GLIS2: variants seen among roughly 807,000 people sequenced by gnomAD.
GLIS2 encodes zinc finger protein GLIS2.
A neutral mutation model predicts 35.6 loss-of-function variants in GLIS2; 14 were observed. The ratio of observed to expected loss-of-function variants is 0.39; its 90% CI spans 0.26 to 0.61. The LOEUF (loss-of-function observed/expected upper bound fraction) is 0.61, where lower values mean the gene tolerates loss of function less well. Among genes scored for constraint, GLIS2 ranks in the 20% least tolerant of loss-of-function variants. The pLI, the probability that GLIS2 is intolerant of heterozygous loss-of-function variation, is 0.48. For missense variants in GLIS2, 675 were observed against 713.4 expected (o/e 0.95, Z 0.61); for synonymous variants, 368 against 325.1 (o/e 1.13, Z -1.42).
rs1432020147 is a variant in GLIS2, at chr16:4,336,707, C to T, written c.776-18C>T. 1 of 1,581,546 alleles carries T rather than the reference C, an allele frequency of 6.3e-7. No individual in the cohort carries two copies. Among genetic ancestry groups the T allele is most frequent in the Non-Finnish European group, 8.6e-7 (1 of 1,164,332 alleles). On this transcript the variant is annotated intron_variant, in intron 6 of 6. Transcript: ENST00000433375. ...GGAGAGACCCCTCATGGCGGCACTG[C>T]ACTGCACCACCCTGCAGGTGAGAAG...
chr16:4,333,274 G>A (rs1197593861), intron 2 of GLIS2, 73 bp from the exon 3 acceptor site: 1 of 1,557,394 alleles, frequency 6.4e-7, no homozygotes, highest in Non-Finnish European at 8.8e-7. Flanking sequence ...CACAGTGGGG[G>A]TTCGGAGGCA....
intron 6 of GLIS2, 24 bp from the exon 7 acceptor site, chr16:4,336,701 G>A (rs1469409921): frequency 5.7e-6 from 9 of 1,573,898 alleles, no homozygotes; most frequent in East Asian, 2.4e-5. Context: ...CCTCATGGCG[G>A]CACTGCACTG....
intron 1 of GLIS2, among the ~76,000 whole-genome samples, chr16:4,321,301 G>A (rs899427147): frequency 1.3e-5 from 2 of 152,196 alleles, no homozygotes; most frequent in African/African-American, 2.4e-5. Context: ...CAGGGAGAAA[G>A]AGGCATCTAT....
In GLIS2 at chr16:4,335,629, C is replaced by T. The variant is rs369413707; in HGVS notation, c.775+236C>T. ...AGCACCAATGCCATTTCCTGGTTCCCGTGGGTATCTTCTGACTAATGCCAC... is the reference window on the plus strand; with the variant it reads ...AGCACCAATGCCATTTCCTGGTTCCTGTGGGTATCTTCTGACTAATGCCAC... On this transcript the variant is annotated intron_variant, in intron 6 of 6. Coordinates refer to ENST00000433375, the MANE Select transcript of GLIS2 (RefSeq NM_032575.3). This position sits in a 1 kb window ranked among gnomAD's most constrained non-coding sequence, Gnocchi z 4.6. Among the ~76,000 whole-genome samples, 8 of 152,200 alleles carry T rather than the reference C, an allele frequency of 5.3e-5. No individual in the cohort carries two copies. In the East Asian group the frequency reaches 5.8e-4, roughly 11 times the overall value.
intron 6 of GLIS2, 112 bp from the exon 7 acceptor site, chr16:4,336,613 G>T: frequency 9.3e-7 from 1 of 1,076,288 alleles, no homozygotes; most frequent in Non-Finnish European, 1.4e-6. Flanking sequence ...CCAGAATTGG[G>T]GCATCTATGT....
chr16:4,319,449 G>A (rs1259233976), intron 1 of GLIS2, among the ~76,000 whole-genome samples: 1 of 152,182 alleles, frequency 6.6e-6, no homozygotes, highest in Non-Finnish European at 1.5e-5. Flanking sequence ...GCTATGAAAG[G>A]GTCCACAGAG....
chr16:4,335,079 T>A lies in GLIS2; in HGVS notation c.542T>A (p.Leu181His). Residue 181 changes from leucine (L) to histidine (H), a missense_variant, in exon 5 of 7, where the codon CTC (leucine) becomes CAC (histidine). Leu to His is a moderately conservative substitution (Grantham distance 99, BLOSUM62 -3). This residue lies in a region of GLIS2 where 225 missense variants were observed against 238.7 expected (regional missense o/e 0.94). Transcript: ENST00000433375. The surrounding 1 kb of genome is among the most constrained non-coding windows in gnomAD (Gnocchi z 4.6). ...RWAKCNQLFE[L>H]LQDLVDHVND... ...CCGCAGTGTAACCAGCTCTTTGAGC[T>A]CCTGCAAGACCTGGTGGACCATGTC... The A allele has an allele frequency of 6.2e-7, 1 of 1,613,398 alleles. No homozygotes were observed. Among genetic ancestry groups the A allele is most frequent in the Non-Finnish European group, 8.5e-7 (1 of 1,180,012 alleles).
At chr16:4,322,629 C>T (rs138161182) in intron 1 of GLIS2, among the ~76,000 whole-genome samples, 4 of 152,036 alleles carry the variant, frequency 2.6e-5, no homozygotes, top group Non-Finnish European at 4.4e-5. Flanking sequence ...CAGCCCCCCC[C>T]CTACACTGTT....
Position 4,335,407 on chromosome 16 carries a change from G to C in GLIS2, c.775+14G>C. 6.2e-7 allele frequency: 1 copy of C among 1,612,560 alleles called. No homozygotes were observed. The highest frequency in any genetic ancestry group is 8.5e-7 in the Non-Finnish European group (1 of 1,179,396). Reference sequence around the variant, plus strand: ...GGTCGCACACAGGTAAGAGGCCGGGGCCGGGCGGCTTGGCCCATGAAGGGG... The same window carrying C: ...GGTCGCACACAGGTAAGAGGCCGGGCCCGGGCGGCTTGGCCCATGAAGGGG... On this transcript the variant is annotated intron_variant, in intron 6 of 6. Coordinates refer to ENST00000433375, the MANE Select transcript of GLIS2 (RefSeq NM_032575.3). The surrounding 1 kb of genome is among the most constrained non-coding windows in gnomAD (Gnocchi z 4.6).
chr16:4,319,130 T>C lies in GLIS2; in HGVS notation c.-67+2876T>C, dbSNP rs1314997493. On this transcript the variant is annotated intron_variant, in intron 1 of 6. Coordinates refer to ENST00000433375, the MANE Select transcript of GLIS2 (RefSeq NM_032575.3). ...GAAATTGATTCCATGGGAGAGGCCCTGTGCTGGGTGGAATTGGGGCGGGGG... is the reference window on the plus strand; with the variant it reads ...GAAATTGATTCCATGGGAGAGGCCCCGTGCTGGGTGGAATTGGGGCGGGGG... Among the ~76,000 whole-genome samples, 3 of 152,128 alleles carry C rather than the reference T, an allele frequency of 2.0e-5. No individual in the cohort carries two copies. The South Asian group carries it at 6.2e-4, about 31-fold the overall frequency.
intron 1 of GLIS2, among the ~76,000 whole-genome samples, chr16:4,321,830 G>T (rs944862389): frequency 1.3e-5 from 2 of 152,190 alleles, no homozygotes; most frequent in Admixed American, 1.3e-4. Context: ...GGAGGCCTGG[G>T]GCTGAAGGTC....
At chr16:4,328,486 G>C (rs1235909855) in intron 1 of GLIS2, 1 of 152,524 alleles carries the variant, frequency 6.6e-6, no homozygotes, top group Non-Finnish European at 1.5e-5. Context: ...CCCCTCTGGG[G>C]TGGGGCCTCC....
chr16:4,320,148 G>A lies in GLIS2; in HGVS notation c.-67+3894G>A, dbSNP rs570689698. Among the ~76,000 whole-genome samples the A allele has an allele frequency of 1.2e-4, 19 of 152,238 alleles. No homozygotes were observed. In the East Asian group the frequency reaches 3.5e-3, roughly 28 times the overall value. Reference sequence around the variant, plus strand: ...AGGGGCCGGCCTGTGAGTGTCACATGTGCGTGCACACGGACTCCAGCCTTG... The same window carrying A: ...AGGGGCCGGCCTGTGAGTGTCACATATGCGTGCACACGGACTCCAGCCTTG... On this transcript the variant is annotated intron_variant, in intron 1 of 6. Coordinates refer to ENST00000433375, the MANE Select transcript of GLIS2 (RefSeq NM_032575.3). The surrounding 1 kb of genome is among the most constrained non-coding windows in gnomAD (Gnocchi z 5.6).
At chr16:4,327,753 C>T (rs1461902050) in intron 1 of GLIS2, among the ~76,000 whole-genome samples, 3 of 151,340 alleles carry the variant, frequency 2.0e-5, no homozygotes, top group Non-Finnish European at 4.4e-5. Context: ...CCCGCCGTCC[C>T]GGTGGTCCCC....
At chr16:4,323,137 ATAG>A (rs1390760080) in intron 1 of GLIS2, among the ~76,000 whole-genome samples, 1 of 152,128 alleles carries the variant, frequency 6.6e-6, no homozygotes, top group Admixed American at 6.5e-5. Context: ...CTGGCCTCAG[ATAG>A]CTCTGGCTGG....
chr16:4,332,270 G>GC lies in GLIS2; in HGVS notation c.-6dup. 2.5e-6 allele frequency: 4 copies of GC among 1,610,776 alleles called. No homozygotes were observed. The highest frequency in any genetic ancestry group is 2.5e-6 in the Non-Finnish European group (3 of 1,179,324). ...CTGCCTGCTGCCACCTCCAACTCCG[G>GC]CCCCCTCACCATGCACTCCCTGGAC... On this transcript the variant is annotated 5_prime_UTR_variant, in exon 2 of 7. Coordinates refer to ENST00000433375, the MANE Select transcript of GLIS2 (RefSeq NM_032575.3). This position sits in a 1 kb window ranked among gnomAD's most constrained non-coding sequence, Gnocchi z 5.4.
At position 4,336,842 on chromosome 16, in the gene GLIS2, C is replaced by T; in HGVS notation, c.893C>T (p.Pro298Leu). 6.2e-7 allele frequency: 1 copy of T among 1,612,604 alleles called. No homozygotes were observed. Among genetic ancestry groups the T allele is most frequent in the Admixed American group, 1.7e-5 (1 of 59,992 alleles). Residue 298 changes from proline to leucine, a missense_variant, in exon 7 of 7, where the codon CCC becomes CTC. Transcript: ENST00000433375. ...YVDKPYYCKMPGCHKRYTDPS... is the reference protein window; with the variant it reads ...YVDKPYYCKMLGCHKRYTDPS... ...GACAAGCCCTACTACTGCAAGATGC[C>T]CGGCTGCCACAAGCGCTACACGGAC...
intron 2 of GLIS2, 72 bp from the exon 3 acceptor site, chr16:4,333,274 GT>G: frequency 6.4e-7 from 1 of 1,557,394 alleles, no homozygotes; most frequent in South Asian, 1.1e-5. Context: ...CACAGTGGGG[GT>G]TCGGAGGCAG....
intron 1 of GLIS2, among the ~76,000 whole-genome samples, chr16:4,319,989 G>T (rs2053360343): frequency 6.6e-6 from 1 of 151,588 alleles, no homozygotes; most frequent in Non-Finnish European, 1.5e-5. Context: ...CTTCCCATCT[G>T]CCCCAGCAGC....
Sources: gnomAD v4.1 joint callset for allele counts (sites outside exome capture counted in the v4.1 genomes callset) on GRCh38, gnomAD v4.1.1 for gene constraint, gnomAD v4.1.1 regional missense constraint, Gnocchi (gnomAD v3.1) non-coding constraint, MANE v1.5 for transcripts, NCBI Gene and HGNC (gene_info 2026-07-23, HGNC 2026-07-21) for gene names.